The following KLHL13 variants were observed in gnomAD, a reference collection of about 807,000 sequenced individuals.
KLHL13 encodes the protein kelch-like protein 13.
KLHL13 carries 10 observed loss-of-function variants against 37.1 expected under a neutral mutation model. That is an observed-to-expected ratio of 0.27 (90% CI 0.17 to 0.46). The LOEUF (loss-of-function observed/expected upper bound fraction) is 0.46, where lower values mean the gene tolerates loss of function less well. KLHL13 is among the 20% of genes least tolerant of loss of function. The pLI is 1.00. For synonymous variants in KLHL13, 163 were observed against 181.2 expected (o/e 0.90, Z 0.81); for missense variants, 360 against 509.3 (o/e 0.71, Z 2.82).
At chrX:117,906,692 T>C (rs1430915813) in intron 5 of KLHL13, among the ~76,000 whole-genome samples, 1 of 111,523 alleles carries the variant, frequency 9.0e-6, no homozygotes, top group Non-Finnish European at 1.9e-5. Flanking sequence ...TAATAAAATG[T>C]TTAGTACAGA....
chrX:118,069,477 A>C (rs2054833528), intron 1 of KLHL13, among the ~76,000 whole-genome samples: 1 of 109,555 alleles, frequency 9.1e-6, no homozygotes, highest in African/African-American at 3.3e-5. Flanking sequence ...TATATGGTAA[A>C]AGCCAAGACT....
intron 1 of KLHL13, among the ~76,000 whole-genome samples, chrX:117,969,490 CA>C (rs1453269513): frequency 8.1e-5 from 9 of 111,494 alleles, no homozygotes; most frequent in African/African-American, 2.9e-4. Context: ...TTTACTAATG[CA>C]GTTTACACTG....
exon 5 of KLHL13, chrX:117,909,355 C>T (rs1930809858): frequency 2.5e-6 from 3 of 1,207,162 alleles, no homozygotes; most frequent in Non-Finnish European, 3.4e-6. Context: ...CCTTTGAGGG[C>T]ACTTAGGTGG....
At chrX:117,981,240 T>C (rs777206900) in intron 1 of KLHL13, among the ~76,000 whole-genome samples, 3 of 112,287 alleles carry the variant, frequency 2.7e-5, no homozygotes, top group Non-Finnish European at 5.6e-5. Flanking sequence ...TGTTGTAAAA[T>C]AATCACAGCT....
chrX:118,033,350 G>A (rs868825920), intron 1 of KLHL13, among the ~76,000 whole-genome samples: 2 of 111,126 alleles, frequency 1.8e-5, no homozygotes, highest in African/African-American at 3.3e-5. Context: ...GAGAAAGGTC[G>A]GGTTACCCTC....
Position 117,950,501 on chromosome X carries a change from C to T in KLHL13, c.99-4926G>A, listed in dbSNP as rs751323072. On this transcript the variant is annotated intron_variant, in intron 1 of 6. Transcript: ENST00000262820. Reference sequence around the variant, plus strand: ...AAAAGAAAAAAAAGAAAGTCTCTTGCATTAGTGTCAAAAGTATAATATAGA... The same window carrying T: ...AAAAGAAAAAAAAGAAAGTCTCTTGTATTAGTGTCAAAAGTATAATATAGA... Among the ~76,000 whole-genome samples the T allele has an allele frequency of 5.4e-5, 6 of 111,751 alleles. No individual in the cohort carries two copies. In the South Asian group the frequency reaches 2.3e-3, roughly 42 times the overall value.
intron 1 of KLHL13, chrX:117,945,918 T>C (rs753454663): frequency 1.9e-3 from 239 of 128,067 alleles, no homozygotes; most frequent in Non-Finnish European, 3.2e-3. Flanking sequence ...ATAGTTAAAA[T>C]TAATTTGGAA....
intron 1 of KLHL13, among the ~76,000 whole-genome samples, chrX:118,052,780 T>C: frequency 9.3e-6 from 1 of 107,897 alleles, no homozygotes; most frequent in Non-Finnish European, 1.9e-5. Context: ...TGAGCCAAGA[T>C]CGTACCACTG....
chrX:118,045,792 G>C (rs905966722), intron 1 of KLHL13, among the ~76,000 whole-genome samples: 1 of 111,482 alleles, frequency 9.0e-6, no homozygotes, highest in Non-Finnish European at 1.9e-5. Flanking sequence ...GGGCAGCAGA[G>C]TGAGACTCTG....
intron 1 of KLHL13, among the ~76,000 whole-genome samples, chrX:118,001,206 T>C (rs1037240040): frequency 9.0e-6 from 1 of 111,672 alleles, no homozygotes; most frequent in East Asian, 2.8e-4. Flanking sequence ...ACCACTGCCA[T>C]TAGAAAACTT....
At chrX:117,954,706 G>T (rs1426473634) in intron 1 of KLHL13, among the ~76,000 whole-genome samples, 1 of 111,993 alleles carries the variant, frequency 8.9e-6, no homozygotes, top group Non-Finnish European at 1.9e-5. Flanking sequence ...GAAACAGCAT[G>T]TGCTCCCATC....
intron 1 of KLHL13, among the ~76,000 whole-genome samples, chrX:117,981,496 C>T (rs2053661441): frequency 8.9e-6 from 1 of 111,971 alleles, no homozygotes. Flanking sequence ...TTCATGTCTT[C>T]AAAATCAAAT....
intron 2 of KLHL13, among the ~76,000 whole-genome samples, chrX:117,932,667 C>CG (rs1395375436): frequency 8.9e-6 from 1 of 111,932 alleles, no homozygotes; most frequent in Admixed American, 9.5e-5. Flanking sequence ...GTGAACACTA[C>CG]TGCAATAAAC....
At chrX:117,953,280 T>C (rs1409607372) in intron 1 of KLHL13, among the ~76,000 whole-genome samples, 1 of 110,663 alleles carries the variant, frequency 9.0e-6, no homozygotes, top group Non-Finnish European at 1.9e-5. Flanking sequence ...TTGGAAATCA[T>C]CATTCTCAGT....
At chrX:117,936,058 G>A (rs1227776374) in intron 2 of KLHL13, among the ~76,000 whole-genome samples, 2 of 111,529 alleles carry the variant, frequency 1.8e-5, no homozygotes, top group African/African-American at 3.3e-5. Flanking sequence ...TTATCATTCA[G>A]TGAATTACCA....
At chrX:118,101,772 G>C in intron 1 of KLHL13, among the ~76,000 whole-genome samples, 1 of 111,045 alleles carries the variant, frequency 9.0e-6, no homozygotes. Flanking sequence ...TCTCGTGATA[G>C]TTCTAATGAG....
chrX:118,071,969 G>A (rs2054872205), intron 1 of KLHL13, among the ~76,000 whole-genome samples: 1 of 110,773 alleles, frequency 9.0e-6, no homozygotes, highest in Non-Finnish European at 1.9e-5. Context: ...CACAGAATTG[G>A]AAAAAACTAC....
chrX:117,917,279 G>A (rs1931427065), intron 4 of KLHL13, among the ~76,000 whole-genome samples: 2 of 111,327 alleles, frequency 1.8e-5, no homozygotes, highest in East Asian at 2.8e-4. Context: ...AAAGAAAAGA[G>A]GTAATTCCTA....
chrX:117,973,250 A>G lies in KLHL13; in HGVS notation c.-422T>C, dbSNP rs2053553128. On this transcript the variant is annotated 5_prime_UTR_variant, in exon 1 of 7. Transcript: ENST00000262820. The stretch of plus-strand genomic sequence containing the variant: ...TCTGCACCTATTAACCTGATTTCTG[A>G]CCAATAGTAGCAAGAAAAAACATAG... 8 of 966,168 alleles carry G rather than the reference A, an allele frequency of 8.3e-6. No homozygotes were observed. In the Admixed American group the frequency reaches 2.5e-4, roughly 30 times the overall value. 79.6% of individuals were successfully genotyped at this position (966,168 alleles called of 1,213,427 possible).
Sources: allele counts gnomAD v4.1 joint callset (sites outside exome capture counted in the v4.1 genomes callset), GRCh38; gene constraint gnomAD v4.1.1; transcripts MANE v1.5; gene names NCBI Gene and HGNC (gene_info 2026-07-23, HGNC 2026-07-21).